The following SLC30A4 variants were observed in gnomAD, a reference collection of about 807,000 sequenced individuals.
SLC30A4 encodes the protein probable proton-coupled zinc antiporter SLC30A4.
SLC30A4 carries 20 observed loss-of-function variants against 41.7 expected under a neutral mutation model. The observed-to-expected ratio is 0.48, with a 90% CI of 0.34 to 0.70. SLC30A4 has a LOEUF of 0.70. Ranked by LOEUF, SLC30A4 falls within the 30% of genes least tolerant of loss-of-function variation. SLC30A4 has a pLI of 0.01. For synonymous variants in SLC30A4, 181 were observed against 195.9 expected (o/e 0.92, Z 0.64); for missense variants, 441 against 529.3 (o/e 0.83, Z 1.64).
chr15:45,521,940 A>G (rs761814480), intron 2 of SLC30A4, 24 bp downstream of exon 2: 2 of 1,600,366 alleles, frequency 1.2e-6, no homozygotes, highest in Non-Finnish European at 1.7e-6. Context: ...GGTAAACGGA[A>G]AGTGAGTTGG....
chr15:45,521,894 T>C lies in SLC30A4; in HGVS notation c.391+70A>G, dbSNP rs141689118. The C allele has an allele frequency of 2.3e-4, 340 of 1,483,810 alleles. No homozygotes were observed. The African/African-American group carries it at 4.0e-3, about 17-fold the overall frequency. The allele number at this position is 1,483,810 out of a possible 1,614,324, so 91.9% of individuals were successfully genotyped here. ...AAAAGATGGGTTAAACCTCAAAGCC[T>C]GTGTAACTACAGCTTGACAAAGACT... On this transcript the variant is annotated intron_variant, in intron 2 of 7. Transcript: ENST00000261867.
rs1286141166 is a variant in SLC30A4, at chr15:45,485,245, A to AT, written c.1207dup (p.Met403AsnfsTer3). ...CTGAAGCTGAATAGTACATCTATAC[A>AT]TGCCAAATGTGTTCAATAATAAATG... is the stretch of plus-strand genomic sequence containing the variant. On this transcript the variant is annotated frameshift_variant, in exon 8 of 8. Coordinates refer to ENST00000261867, the MANE Select transcript of SLC30A4 (RefSeq NM_013309.6). LOFTEE classifies it high-confidence loss of function. 1.9e-6 allele frequency: 3 copies of AT among 1,612,610 alleles called. No homozygotes were observed. The highest frequency in any genetic ancestry group is 2.5e-6 in the Non-Finnish European group (3 of 1,178,898).
At chr15:45,508,338 G>A (rs777745239) in intron 3 of SLC30A4, among the ~76,000 whole-genome samples, 1 of 152,054 alleles carries the variant, frequency 6.6e-6, no homozygotes, top group Non-Finnish European at 1.5e-5. Flanking sequence ...GTTTTACTTG[G>A]CGGAAAGTGT....
chr15:45,489,865 G>A (rs1891777148), intron 4 of SLC30A4, among the ~76,000 whole-genome samples: 1 of 151,954 alleles, frequency 6.6e-6, no homozygotes, highest in Admixed American at 6.6e-5. Context: ...GATCATATTT[G>A]GCTCACTGAT....
Position 45,511,186 on chromosome 15 carries a change from A to G in SLC30A4, c.490T>C (p.Ser164Pro). Residue 164 changes from serine to proline, a missense_variant, in exon 3 of 8, where the codon TCA (serine) becomes CCA (proline). By Grantham distance (74) the Ser-to-Pro change is moderately conservative. This residue lies in a region of SLC30A4 where 312 missense variants were observed against 341.9 expected (regional missense o/e 0.91). Coordinates refer to ENST00000261867, the MANE Select transcript of SLC30A4 (RefSeq NM_013309.6). ...AATCTTTTGGTTGGTGATTTTGATG[A>G]TAGCCACAAAGCAAGCAGGGTGAGT... is the stretch of plus-strand genomic sequence containing the variant. ...IILTLLALWLSSKSPTKRFTF... is the reference protein window; with the variant it reads ...IILTLLALWLPSKSPTKRFTF... 1 of 1,613,876 alleles carries G rather than the reference A, an allele frequency of 6.2e-7. No homozygotes were observed. The highest frequency in any genetic ancestry group is 8.5e-7 in the Non-Finnish European group (1 of 1,179,828).
chr15:45,504,998 C>T (rs919068123), intron 3 of SLC30A4, among the ~76,000 whole-genome samples: 5 of 151,778 alleles, frequency 3.3e-5, no homozygotes, highest in South Asian at 2.1e-4. Context: ...TGGGAGGCTG[C>T]GGTGGGAGGA....
intron 2 of SLC30A4, chr15:45,519,589 C>T (rs1394795817): frequency 6.6e-6 from 1 of 152,114 alleles, no homozygotes; most frequent in East Asian, 1.9e-4. Context: ...TTAATGCTTA[C>T]CCTAAGTACT....
intron 3 of SLC30A4, among the ~76,000 whole-genome samples, chr15:45,507,499 CTTT>C (rs527747375): frequency 7.3e-6 from 1 of 136,496 alleles, no homozygotes; most frequent in Admixed American, 7.4e-5. Flanking sequence ...TTTCTTTTTC[CTTT>C]TTTTTTTTTT....
At position 45,487,910 on chromosome 15, in the gene SLC30A4, A is replaced by AAG. The variant is rs1491483056; in HGVS notation, c.895-280_895-279dup. 1.9e-4 allele frequency among the ~76,000 whole-genome samples: 15 copies of AAG among 79,706 alleles called. 1 individual carries two copies. In the South Asian group the frequency reaches 6.8e-3, roughly 36 times the overall value. The allele number at this position is 79,706 out of a possible 152,430, so 52.3% of individuals were successfully genotyped here. On this transcript the variant is annotated intron_variant, in intron 5 of 7. Transcript: ENST00000261867. ...TAGAATATCAGAGCTGGAAAGAAGT[A>AAG]AGTGTGTGTGTGTGTGTGTGTGTGT...
rs1891649892 is a variant in SLC30A4 at position 45,483,900 on chromosome 15, T to C, written c.*1263A>G. On this transcript the variant is annotated 3_prime_UTR_variant, in exon 8 of 8. Transcript: ENST00000261867. ...AAACAAAAACAAAACCACACACATATATAAGGTCAAAAATCCTTTACATTT... is the reference window on the plus strand; with the variant it reads ...AAACAAAAACAAAACCACACACATACATAAGGTCAAAAATCCTTTACATTT... 1 of 152,128 alleles carries C rather than the reference T, an allele frequency of 6.6e-6. No individual in the cohort carries two copies. The highest frequency in any genetic ancestry group is 1.5e-5 in the Non-Finnish European group (1 of 68,094). The allele number at this position is 152,128 out of a possible 1,614,324, so 9.4% of individuals were successfully genotyped here. A position where few individuals can be genotyped will look rare whatever the true frequency, so the allele number is the denominator to read the frequency against.
At chr15:45,515,770 T>TA (rs1399806832) in intron 2 of SLC30A4, 2 of 151,560 alleles carry the variant, frequency 1.3e-5, no homozygotes, top group African/African-American at 2.4e-5. Flanking sequence ...TTCTTTGAGA[T>TA]AGAGTCTCAC....
chr15:45,495,906 T>C (rs577742083), intron 3 of SLC30A4, among the ~76,000 whole-genome samples: 10 of 152,332 alleles, frequency 6.6e-5, no homozygotes, highest in Non-Finnish European at 5.9e-5. Flanking sequence ...TAATAAGGAA[T>C]GTGCCTCATT....
chr15:45,487,464 C>A, intron 6 of SLC30A4, 63 bp downstream of exon 6: 1 of 815,230 alleles, frequency 1.2e-6, no homozygotes, highest in Non-Finnish European at 2.1e-6. Flanking sequence ...CAGAATGTCC[C>A]CTGACTCCCA....
intron 2 of SLC30A4, among the ~76,000 whole-genome samples, chr15:45,521,454 G>A (rs1400786507): frequency 6.6e-6 from 1 of 152,048 alleles, no homozygotes; most frequent in Non-Finnish European, 1.5e-5. Flanking sequence ...AAAATGCTGG[G>A]ACTGTAGATG....
chr15:45,515,514 G>A (rs1347444895), intron 2 of SLC30A4, among the ~76,000 whole-genome samples: 4 of 151,964 alleles, frequency 2.6e-5, no homozygotes, highest in African/African-American at 7.2e-5. Flanking sequence ...AATAGCAGGC[G>A]TAGTGGTGGG....
chr15:45,509,674 A>G (rs1273125247), intron 3 of SLC30A4, among the ~76,000 whole-genome samples: 1 of 152,102 alleles, frequency 6.6e-6, no homozygotes, highest in Admixed American at 6.6e-5. Context: ...TAATTTTCCA[A>G]CCTGATGACC....
rs201690511 is a variant in SLC30A4 at position 45,487,214 on chromosome 15, AC to A, written c.1000+312del. ...AGAATTGCATTTTTGTCCTAGTGCC[AC>A]AGTTTATTAGCAACATGACCTTAAC... is the stretch of plus-strand genomic sequence containing the variant. On this transcript the variant is annotated intron_variant, in intron 6 of 7. Coordinates refer to ENST00000261867, the MANE Select transcript of SLC30A4 (RefSeq NM_013309.6). 1.1e-4 allele frequency among the ~76,000 whole-genome samples: 17 copies of A among 152,304 alleles called. 1 individual carries two copies. In the East Asian group the frequency reaches 2.9e-3, roughly 26 times the overall value.
chr15:45,522,472 T>C lies in SLC30A4; in HGVS notation c.-114-4A>G, dbSNP rs1892706650. On this transcript the variant is annotated splice_polypyrimidine_tract_variant and splice_region_variant and intron_variant, in intron 1 of 7. Transcript: ENST00000261867. ...GTGCCGCGCGTCCCTCCCCATCCTG[T>C]GGAAAACGAAACACGTTATAAATTA... 4 of 1,000,926 alleles carry C rather than the reference T, an allele frequency of 4.0e-6. No homozygotes were observed. In the South Asian group the frequency reaches 6.9e-5, roughly 17 times the overall value. The allele number at this position is 1,000,926 out of a possible 1,614,324, so 62.0% of individuals were successfully genotyped here.
intron 4 of SLC30A4, 123 bp from the exon 5 acceptor site, chr15:45,489,165 T>C (rs1891762456): frequency 4.1e-6 from 3 of 733,282 alleles, no homozygotes; most frequent in Middle Eastern, 3.9e-4. Flanking sequence ...GCAACTATTA[T>C]TTATCAGTAC....
Sources: allele counts gnomAD v4.1 joint callset (sites outside exome capture counted in the v4.1 genomes callset), GRCh38; gene constraint gnomAD v4.1.1; regional missense constraint gnomAD v4.1.1; transcripts MANE v1.5; gene names NCBI Gene and HGNC (gene_info 2026-07-23, HGNC 2026-07-21).